VTCN1: variants seen among roughly 807,000 people sequenced by gnomAD.
VTCN1 encodes the protein V-set domain containing T cell activation inhibitor 1.
A neutral mutation model predicts 26.5 loss-of-function variants in VTCN1; 26 were observed. That is an observed-to-expected ratio of 0.98 (90% CI 0.72 to 1.36). The LOEUF (loss-of-function observed/expected upper bound fraction) is 1.36, where lower values mean the gene tolerates loss of function less well. Among genes scored for constraint, VTCN1 ranks in the 40% most tolerant of loss-of-function variants. The pLI is 0.00. For synonymous variants in VTCN1, 116 were observed against 130.7 expected (o/e 0.89, Z 0.77); for missense variants, 298 against 337.7 (o/e 0.88, Z 0.92).
At chr1:117,153,707 A>G (rs932301246) in intron 3 of VTCN1, among the ~76,000 whole-genome samples, 2 of 152,166 alleles carry the variant, frequency 1.3e-5, no homozygotes, top group African/African-American at 4.8e-5. Flanking sequence ...TTAGGGAATT[A>G]GGCATTTTCC....
At chr1:117,197,501 T>G (rs537247424) in intron 1 of VTCN1, among the ~76,000 whole-genome samples, 146 of 152,248 alleles carry the variant, frequency 9.6e-4, no homozygotes, top group African/African-American at 3.4e-3. Flanking sequence ...ATTCTCTCCA[T>G]TTACTTAGGG....
chr1:117,193,379 A>G (rs1252314983), intron 1 of VTCN1, among the ~76,000 whole-genome samples: 4 of 152,216 alleles, frequency 2.6e-5, no homozygotes, highest in Non-Finnish European at 5.9e-5. Flanking sequence ...CCCTTAGGAC[A>G]CAGAATGAAA....
chr1:117,154,783 CAAAAAAAAA>C (rs916361996), intron 3 of VTCN1, among the ~76,000 whole-genome samples: 6 of 39,898 alleles, frequency 1.5e-4, no homozygotes, highest in Non-Finnish European at 2.7e-4. Context: ...AACTCCATCT[CAAAAAAAAA>C]AAAAAAAAAA....
At chr1:117,184,363 G>A (rs1647828179) in intron 1 of VTCN1, among the ~76,000 whole-genome samples, 2 of 152,078 alleles carry the variant, frequency 1.3e-5, no homozygotes, top group Admixed American at 6.6e-5. Context: ...CCAAGCAGGA[G>A]TGGCAACCTG....
chr1:117,206,641 G>A (rs988594794), intron 1 of VTCN1, among the ~76,000 whole-genome samples: 1 of 146,640 alleles, frequency 6.8e-6, no homozygotes, highest in Admixed American at 7.0e-5. Context: ...CCTGGTGAGG[G>A]AAACAGGCAC....
intron 1 of VTCN1, among the ~76,000 whole-genome samples, chr1:117,176,595 A>C (rs766558967): frequency 1.3e-5 from 2 of 152,228 alleles, no homozygotes; most frequent in Non-Finnish European, 2.9e-5. Context: ...CTTATAGATC[A>C]TTAGTTTAGC....
At chr1:117,148,060 G>A (rs1651607744) in intron 4 of VTCN1, among the ~76,000 whole-genome samples, 1 of 152,156 alleles carries the variant, frequency 6.6e-6, no homozygotes, top group Non-Finnish European at 1.5e-5. Flanking sequence ...ATAAAGAATA[G>A]GCTAAACAAA....
chr1:117,151,494 C>A (rs751727900), intron 4 of VTCN1, among the ~76,000 whole-genome samples: 9 of 152,150 alleles, frequency 5.9e-5, no homozygotes, highest in Admixed American at 5.9e-4. Flanking sequence ...GCTCCAGTGG[C>A]CAGCTTTTAT....
At chr1:117,158,442 G>C (rs572789783) in intron 2 of VTCN1, among the ~76,000 whole-genome samples, 1 of 152,306 alleles carries the variant, frequency 6.6e-6, no homozygotes, top group Non-Finnish European at 1.5e-5. Context: ...ACCCTCTGAA[G>C]CCATGGCCCA....
chr1:117,168,554 A>C (rs1315080997), intron 2 of VTCN1, among the ~76,000 whole-genome samples: 1 of 152,232 alleles, frequency 6.6e-6, no homozygotes. Context: ...GAAAAGGATC[A>C]ATAAAAATTA....
chr1:117,205,186 C>T (rs1325170384), intron 1 of VTCN1, among the ~76,000 whole-genome samples: 2 of 147,320 alleles, frequency 1.4e-5, no homozygotes, highest in African/African-American at 4.9e-5. Context: ...AGGGGGGTCT[C>T]GCTCTATTAC....
intron 1 of VTCN1, among the ~76,000 whole-genome samples, chr1:117,205,298 G>T (rs568848672): frequency 2.6e-5 from 4 of 151,798 alleles, no homozygotes; most frequent in Admixed American, 1.3e-4. Context: ...GGGACTACAG[G>T]CATGTACCAC....
chr1:117,199,001 G>T (rs961913743), intron 1 of VTCN1, among the ~76,000 whole-genome samples: 5 of 152,076 alleles, frequency 3.3e-5, no homozygotes, highest in African/African-American at 7.2e-5. Context: ...TGGTTCCTGG[G>T]CATCTGCTCA....
At chr1:117,166,942 A>C (rs577646813) in intron 2 of VTCN1, among the ~76,000 whole-genome samples, 1 of 151,958 alleles carries the variant, frequency 6.6e-6, no homozygotes, top group East Asian at 1.9e-4. Flanking sequence ...AAGTACAAAA[A>C]ATTAGCCAGG....
At chr1:117,203,173 TGAA>T (rs2101604308) in intron 1 of VTCN1, among the ~76,000 whole-genome samples, 1 of 152,044 alleles carries the variant, frequency 6.6e-6, no homozygotes, top group Admixed American at 6.5e-5. Flanking sequence ...TGTGAAAAGA[TGAA>T]GGAGTACCTG....
At chr1:117,209,565 C>G (rs1649260783) in intron 1 of VTCN1, among the ~76,000 whole-genome samples, 1 of 152,166 alleles carries the variant, frequency 6.6e-6, no homozygotes, top group South Asian at 2.1e-4. Context: ...TAGTGCAGGG[C>G]AGGGAAGGAG....
intron 1 of VTCN1, among the ~76,000 whole-genome samples, chr1:117,177,625 A>G (rs1185752042): frequency 6.6e-6 from 1 of 152,070 alleles, no homozygotes; most frequent in African/African-American, 2.4e-5. Flanking sequence ...CATATAAGAG[A>G]CTTGGCTGCT....
At chr1:117,153,851 T>C (rs1042180602) in intron 3 of VTCN1, among the ~76,000 whole-genome samples, 3 of 152,162 alleles carry the variant, frequency 2.0e-5, no homozygotes, top group African/African-American at 4.8e-5. Context: ...TCACAAGCTT[T>C]GTCATCACAG....
chr1:117,176,059 C>T (rs980683844), intron 1 of VTCN1, among the ~76,000 whole-genome samples: 1 of 152,184 alleles, frequency 6.6e-6, no homozygotes, highest in Non-Finnish European at 1.5e-5. Context: ...TGTGAGCCAC[C>T]ATGCCTGGCC....
Sources: allele counts gnomAD v4.1 joint callset (sites outside exome capture counted in the v4.1 genomes callset), GRCh38; gene constraint gnomAD v4.1.1; transcripts MANE v1.5; gene names NCBI Gene and HGNC (gene_info 2026-07-23, HGNC 2026-07-21).